The following NT5C1A variants were observed in gnomAD, a reference collection of about 807,000 sequenced individuals.
NT5C1A encodes the protein cytosolic 5'-nucleotidase 1A.
In NT5C1A, 18 loss-of-function variants were observed where a neutral mutation model predicts 31.0. The ratio of observed to expected loss-of-function variants is 0.58; its 90% CI spans 0.40 to 0.86. The LOEUF is 0.86. NT5C1A is among the 40% of genes least tolerant of loss of function. The probability of loss-of-function intolerance (pLI) is 0.00; values close to 1 mark genes in which losing one functional copy is unlikely to be tolerated. For synonymous variants in NT5C1A, 185 were observed against 203.6 expected (o/e 0.91, Z 0.78); for missense variants, 470 against 505.4 (o/e 0.93, Z 0.67).
In NT5C1A at chr1:39,651,721, G is replaced by A. The variant is rs1038781819; in HGVS notation, c.*7400C>T. On this transcript the variant is annotated 3_prime_UTR_variant, in exon 6 of 6. Coordinates refer to ENST00000235628, the MANE Select transcript of NT5C1A (RefSeq NM_032526.3). Reference sequence around the variant, plus strand: ...GAAACCAGAAGTTAAGTATATGTGCGCTATTACATTAATAAAGAAGTTCGT... The same window carrying A: ...GAAACCAGAAGTTAAGTATATGTGCACTATTACATTAATAAAGAAGTTCGT... Among the ~76,000 whole-genome samples the A allele has an allele frequency of 1.3e-5, 2 of 152,042 alleles. No individual in the cohort carries two copies. The highest frequency in any genetic ancestry group is 4.8e-5 in the African/African-American group (2 of 41,408).
At chr1:39,661,839 C>T (rs1212426320) in intron 4 of NT5C1A, among the ~76,000 whole-genome samples, 2 of 152,180 alleles carry the variant, frequency 1.3e-5, no homozygotes, top group African/African-American at 4.8e-5. Context: ...GGGGCTGAGA[C>T]CACAGGCTGC....
At chr1:39,671,584 C>T (rs975350240) in intron 1 of NT5C1A, among the ~76,000 whole-genome samples, 46 of 152,358 alleles carry the variant, frequency 3.0e-4, no homozygotes, top group African/African-American at 1.1e-3. Flanking sequence ...CGCTGCGGAC[C>T]AGCTTCGCCA....
At chr1:39,664,489 T>TCCTCCCCTCC (rs1553485412) in intron 3 of NT5C1A, among the ~76,000 whole-genome samples, 20 of 1,094 alleles carry the variant, frequency 0.018, no homozygotes, top group Admixed American at 0.03. Context: ...AGTGGATTTC[T>TCCTCCCCTCC]CCTCCTCTCC....
rs1451755561 is a variant in NT5C1A, at chr1:39,652,689, G to A, written c.*6432C>T. ...CAGTGACCCCAGTCTTCACAGCTTT[G>A]GTTTGCCTTACAGAGGCTTTCACTT... On this transcript the variant is annotated 3_prime_UTR_variant, in exon 6 of 6. Transcript: ENST00000235628. Among the ~76,000 whole-genome samples, 1 of 152,082 alleles carries A rather than the reference G, an allele frequency of 6.6e-6. No homozygotes were observed. Among genetic ancestry groups the A allele is most frequent in the Non-Finnish European group, 1.5e-5 (1 of 68,034 alleles).
chr1:39,658,693 G>A lies in NT5C1A; in HGVS notation c.*428C>T, dbSNP rs1167245654. On this transcript the variant is annotated 3_prime_UTR_variant, in exon 6 of 6. Coordinates refer to ENST00000235628, the MANE Select transcript of NT5C1A (RefSeq NM_032526.3). ...AAAAGATGGGGAAACTGGGGGCCAT[G>A]AAGGGGAGGGATTACTCAAAGTCAT... 6.6e-6 allele frequency among the ~76,000 whole-genome samples: 1 copy of A among 152,214 alleles called. No homozygotes were observed. Among genetic ancestry groups the A allele is most frequent in the Non-Finnish European group, 1.5e-5 (1 of 68,032 alleles).
At position 39,656,447 on chromosome 1, in the gene NT5C1A, A is replaced by G. The variant is rs1281820101; in HGVS notation, c.*2674T>C. Among the ~76,000 whole-genome samples, 1 of 152,132 alleles carries G rather than the reference A, an allele frequency of 6.6e-6. No individual in the cohort carries two copies. The highest frequency in any genetic ancestry group is 1.5e-5 in the Non-Finnish European group (1 of 68,020). On this transcript the variant is annotated 3_prime_UTR_variant, in exon 6 of 6. Coordinates refer to ENST00000235628, the MANE Select transcript of NT5C1A (RefSeq NM_032526.3). ...TCCAGGCCTGAGATGCTCATTTGTGATTTCAATAATAGAATTTAGACTCTT... is the reference window on the plus strand; with the variant it reads ...TCCAGGCCTGAGATGCTCATTTGTGGTTTCAATAATAGAATTTAGACTCTT...
rs61024293 is a variant in NT5C1A, at chr1:39,652,030, C to CAA, written c.*7089_*7090dup. 1.3e-3 allele frequency among the ~76,000 whole-genome samples: 50 copies of CAA among 37,848 alleles called. 10 individuals are homozygous for CAA. Among genetic ancestry groups the CAA allele is most frequent in the South Asian group, 3.3e-3 (2 of 604 alleles). 24.8% of individuals were successfully genotyped at this position (37,848 alleles called of 152,430 possible). ...TGAGTGACAGAGCAAGACTCCGTCT[C>CAA]AAAAAAAAAAAAAAAAAAAAAAAAA... On this transcript the variant is annotated 3_prime_UTR_variant, in exon 6 of 6. Transcript: ENST00000235628.
Position 39,651,821 on chromosome 1 carries a change from G to A in NT5C1A, c.*7300C>T, listed in dbSNP as rs1023668403. Among the ~76,000 whole-genome samples the A allele has an allele frequency of 3.9e-5, 6 of 152,034 alleles. No individual in the cohort carries two copies. Among genetic ancestry groups the A allele is most frequent in the Non-Finnish European group, 8.8e-5 (6 of 67,976 alleles). On this transcript the variant is annotated 3_prime_UTR_variant, in exon 6 of 6. Coordinates refer to ENST00000235628, the MANE Select transcript of NT5C1A (RefSeq NM_032526.3). ...GAGGCTGGTGGATCACCTGAGGTCA[G>A]GAGTTCGAGACCAGCCTGGCCAATA...
intron 1 of NT5C1A, among the ~76,000 whole-genome samples, chr1:39,667,198 T>C (rs1246563306): frequency 1.2e-4 from 1 of 8,684 alleles, no homozygotes; most frequent in Non-Finnish European, 2.4e-4. Context: ...TTCCCCCTCT[T>C]TTTTTTTTTT....
chr1:39,662,790 T>C (rs1301787699), intron 4 of NT5C1A, among the ~76,000 whole-genome samples: 1 of 152,286 alleles, frequency 6.6e-6, no homozygotes, highest in East Asian at 1.9e-4. Context: ...AAGACACACA[T>C]AGAGGGACAT....
At chr1:39,665,815 C>T (rs1203727901) in intron 2 of NT5C1A, among the ~76,000 whole-genome samples, 165 bp from the exon 3 acceptor site, 10 of 152,176 alleles carry the variant, frequency 6.6e-5, no homozygotes, top group Admixed American at 6.5e-5. Context: ...AGGGGTACCT[C>T]GCTAGAGAGA....
chr1:39,653,476 CTT>C lies in NT5C1A; in HGVS notation c.*5643_*5644del, dbSNP rs934653533. On this transcript the variant is annotated 3_prime_UTR_variant, in exon 6 of 6. Transcript: ENST00000235628. ...TACGATTTTTATCCTGTTGCACAAA[CTT>C]AATATGTGTGCATCCATACACACAA... Among the ~76,000 whole-genome samples the C allele has an allele frequency of 1.3e-5, 2 of 152,148 alleles. No homozygotes were observed. Among genetic ancestry groups the C allele is most frequent in the African/African-American group, 4.8e-5 (2 of 41,420 alleles).
intron 4 of NT5C1A, 78 bp downstream of exon 4, chr1:39,663,234 G>T: frequency 6.4e-7 from 1 of 1,565,988 alleles, no homozygotes; most frequent in Middle Eastern, 1.7e-4. Context: ...CACCTGCTCG[G>T]AACTTCAGGA....
Position 39,663,404 on chromosome 1 carries a change from C to T in NT5C1A, c.464G>A (p.Gly155Asp), listed in dbSNP as rs1646502075. The part of the protein sequence containing the change: ...DLFIERFCMT[G>D]GNSPICYLKA... ...GAGGTAGCAGATCGGGCTGTTCCCA[C>T]CTGTCATGCAGAACCTCTCGATGAA... is the stretch of plus-strand genomic sequence containing the variant. The change falls in exon 4 of 6, where the codon GGT becomes GAT. Residue 155 changes from glycine (G) to aspartate (D), a missense_variant. Physicochemically the swap from Gly to Asp is moderately conservative, Grantham distance 94. Coordinates refer to ENST00000235628, the MANE Select transcript of NT5C1A (RefSeq NM_032526.3). 2.5e-6 allele frequency: 4 copies of T among 1,613,982 alleles called. No individual in the cohort carries two copies. Among genetic ancestry groups the T allele is most frequent in the African/African-American group, 1.3e-5 (1 of 74,868 alleles).
chr1:39,661,374 G>C, intron 4 of NT5C1A, 111 bp from the exon 5 acceptor site: 4 of 531,170 alleles, frequency 7.5e-6, no homozygotes, highest in Non-Finnish European at 1.0e-5. Flanking sequence ...TCAGGGCAAG[G>C]CTGATGAAAA....
chr1:39,659,080 G>C lies in NT5C1A; in HGVS notation c.*41C>G. The C allele has an allele frequency of 1.3e-6, 2 of 1,539,796 alleles. No homozygotes were observed. The highest frequency in any genetic ancestry group is 1.7e-6 in the Non-Finnish European group (2 of 1,143,800). Reference sequence around the variant, plus strand: ...CAGAGGAGGTGTCGAAGTATGTCAGGGAGCCTGGAGCAATGTGGATCAGTA... The same window carrying C: ...CAGAGGAGGTGTCGAAGTATGTCAGCGAGCCTGGAGCAATGTGGATCAGTA... On this transcript the variant is annotated 3_prime_UTR_variant, in exon 6 of 6. Transcript: ENST00000235628.
At chr1:39,665,229 G>A (rs1646514972) in intron 3 of NT5C1A, among the ~76,000 whole-genome samples, 1 of 152,176 alleles carries the variant, frequency 6.6e-6, no homozygotes, top group Non-Finnish European at 1.5e-5. Context: ...GAGCTGGCTT[G>A]GACTGGCTTG....
chr1:39,669,659 C>A (rs926452748), intron 1 of NT5C1A, among the ~76,000 whole-genome samples: 9 of 152,254 alleles, frequency 5.9e-5, no homozygotes, highest in African/African-American at 2.2e-4. Flanking sequence ...TGACTGACAA[C>A]TGGGCCTGAG....
In NT5C1A at chr1:39,651,757, T is replaced by C. The variant is rs1178670646; in HGVS notation, c.*7364A>G. ...AATAAAGAAGTTCGTAGGCCGAGTG[T>C]GGTGGCTCACGCCTGTAATCCCAGC... On this transcript the variant is annotated 3_prime_UTR_variant, in exon 6 of 6. Coordinates refer to ENST00000235628, the MANE Select transcript of NT5C1A (RefSeq NM_032526.3). 6.6e-6 allele frequency among the ~76,000 whole-genome samples: 1 copy of C among 151,948 alleles called. No individual in the cohort carries two copies. The highest frequency in any genetic ancestry group is 1.5e-5 in the Non-Finnish European group (1 of 67,988).
Sources: allele counts gnomAD v4.1 joint callset (sites outside exome capture counted in the v4.1 genomes callset), GRCh38; gene constraint gnomAD v4.1.1; transcripts MANE v1.5; gene names NCBI Gene and HGNC (gene_info 2026-07-23, HGNC 2026-07-21).